The following CLMP variants were observed in gnomAD, a reference collection of about 807,000 sequenced individuals.
CLMP encodes the protein CXADR-like membrane protein.
A neutral mutation model predicts 45.2 loss-of-function variants in CLMP; 27 were observed. That is an observed-to-expected ratio of 0.60 (90% CI 0.44 to 0.82). The LOEUF (loss-of-function observed/expected upper bound fraction) is 0.82, where lower values mean the gene tolerates loss of function less well. Ranked by LOEUF, CLMP falls within the 40% of genes least tolerant of loss-of-function variation. CLMP has a pLI of 0.00. For synonymous variants in CLMP, 167 were observed against 171.4 expected (o/e 0.97, Z 0.20); for missense variants, 403 against 448.4 (o/e 0.90, Z 0.91).
intron 1 of CLMP, among the ~76,000 whole-genome samples, chr11:123,106,404 T>C (rs1860551619): frequency 8.2e-6 from 1 of 121,732 alleles, no homozygotes; most frequent in African/African-American, 3.0e-5. Context: ...TGTGTGTGTG[T>C]GTGTGTGTGT....
intron 1 of CLMP, among the ~76,000 whole-genome samples, chr11:123,190,203 T>G (rs1309412553): frequency 2.6e-5 from 4 of 152,134 alleles, no homozygotes; most frequent in African/African-American, 9.7e-5. Flanking sequence ...TGAACCTGAA[T>G]GGTGCTCCAT....
intron 2 of CLMP, among the ~76,000 whole-genome samples, chr11:123,088,790 A>T (rs1865894311): frequency 6.6e-6 from 1 of 151,788 alleles, no homozygotes; most frequent in Admixed American, 6.6e-5. Flanking sequence ...CACACCAGCT[A>T]ATTTTGTATT....
At chr11:123,176,000 C>T (rs1480477384) in intron 1 of CLMP, among the ~76,000 whole-genome samples, 1 of 152,044 alleles carries the variant, frequency 6.6e-6, no homozygotes, top group Non-Finnish European at 1.5e-5. Flanking sequence ...ATTTTCATTG[C>T]CTCACAGGGG....
At chr11:123,134,789 C>T (rs1212652004) in intron 1 of CLMP, among the ~76,000 whole-genome samples, 1 of 148,568 alleles carries the variant, frequency 6.7e-6, no homozygotes. Flanking sequence ...GCCCGGGCAA[C>T]AGAGTGAGAC....
At chr11:123,170,667 C>T (rs1437086408) in intron 1 of CLMP, among the ~76,000 whole-genome samples, 2 of 152,162 alleles carry the variant, frequency 1.3e-5, no homozygotes, top group East Asian at 3.9e-4. Context: ...TCTCGAACTA[C>T]TGAGCTCAAG....
intron 1 of CLMP, among the ~76,000 whole-genome samples, chr11:123,176,189 C>A (rs1308457638): frequency 6.6e-6 from 1 of 152,152 alleles, no homozygotes; most frequent in Non-Finnish European, 1.5e-5. Flanking sequence ...AATTCTGCTT[C>A]TTTTTAGGAA....
chr11:123,168,354 C>G (rs187378382), intron 1 of CLMP, among the ~76,000 whole-genome samples: 1 of 152,218 alleles, frequency 6.6e-6, no homozygotes, highest in Admixed American at 6.5e-5. Context: ...GCAGCTGCCC[C>G]CCCTGGTTCT....
chr11:123,101,819 GA>G (rs1234561056), intron 1 of CLMP, among the ~76,000 whole-genome samples: 1 of 152,210 alleles, frequency 6.6e-6, no homozygotes, highest in Admixed American at 6.5e-5. Flanking sequence ...ATCAGGCTGG[GA>G]AGGAGAGACT....
chr11:123,125,809 T>C (rs1232717721), intron 1 of CLMP, among the ~76,000 whole-genome samples: 2 of 151,838 alleles, frequency 1.3e-5, no homozygotes, highest in Non-Finnish European at 2.9e-5. Flanking sequence ...TTTCACCGTG[T>C]TGGCCAGGCT....
rs375465061 is a variant in CLMP at position 123,133,964 on chromosome 11, CTT to C, written c.29-36014_29-36013del. Among the ~76,000 whole-genome samples the C allele has an allele frequency of 4.6e-3, 703 of 152,168 alleles. 2 individuals carry two copies. Among genetic ancestry groups the C allele is most frequent in the Non-Finnish European group, 8.2e-3 (557 of 67,996 alleles). On this transcript the variant is annotated intron_variant, in intron 1 of 6. Transcript: ENST00000448775. ...ATGAAGGCTCTCATGTCACATAAGACTTATATTAAATAAATTTGTAGGCAGTG... is the reference window on the plus strand; with the variant it reads ...ATGAAGGCTCTCATGTCACATAAGACATATTAAATAAATTTGTAGGCAGTG...
intron 3 of CLMP, 71 bp downstream of exon 3, chr11:123,084,441 A>T: frequency 1.6e-6 from 2 of 1,231,608 alleles, no homozygotes; most frequent in Non-Finnish European, 1.2e-6. Flanking sequence ...TACCACCGTG[A>T]TGCATATGGC....
At chr11:123,157,000 AT>A (rs1343415397) in intron 1 of CLMP, among the ~76,000 whole-genome samples, 6 of 152,212 alleles carry the variant, frequency 3.9e-5, no homozygotes, top group Non-Finnish European at 7.3e-5. Context: ...TGAGGGATAC[AT>A]TTACTCCCAG....
Position 123,083,731 on chromosome 11 carries a change from T to G in CLMP, c.505A>C (p.Ile169Leu), listed in dbSNP as rs141141774. ...TCATCCTCTCCCTCTTTCTCTCGGA[T>G]TCGCTGCCAGTAATACACAATGGGC... ...TEPIVYYWQR[I>L]REKEGEDERL... Residue 169 changes from isoleucine to leucine, a missense_variant, in exon 4 of 7, where the codon ATC becomes CTC. Ile to Leu is a conservative substitution (Grantham distance 5). Coordinates refer to ENST00000448775, the MANE Select transcript of CLMP (RefSeq NM_024769.5). The G allele has an allele frequency of 1.2e-6, 2 of 1,613,960 alleles. No homozygotes were observed. The highest frequency in any genetic ancestry group is 2.7e-5 in the African/African-American group (2 of 74,906).
At chr11:123,085,182 C>CTT (rs112855358) in intron 2 of CLMP, among the ~76,000 whole-genome samples, 6 of 136,994 alleles carry the variant, frequency 4.4e-5, no homozygotes, top group East Asian at 4.1e-4. Context: ...GCCTCCCATT[C>CTT]TTTTTTTTTT....
chr11:123,159,965 C>T (rs181694626), intron 1 of CLMP, among the ~76,000 whole-genome samples: 1 of 151,994 alleles, frequency 6.6e-6, no homozygotes, highest in Non-Finnish European at 1.5e-5. Flanking sequence ...ACAAAACAGA[C>T]CCTGGTGGTA....
chr11:123,106,746 T>C (rs2135487900), intron 1 of CLMP, among the ~76,000 whole-genome samples: 1 of 151,998 alleles, frequency 6.6e-6, no homozygotes, highest in East Asian at 1.9e-4. Context: ...TGTGGCTGGG[T>C]GCAGTGGCTC....
chr11:123,155,687 G>C (rs539531337), intron 1 of CLMP, among the ~76,000 whole-genome samples: 3 of 152,218 alleles, frequency 2.0e-5, no homozygotes, highest in South Asian at 4.1e-4. Flanking sequence ...CCTCCAAGAT[G>C]GTCCTCAGGG....
intron 1 of CLMP, among the ~76,000 whole-genome samples, chr11:123,119,835 C>T (rs1036049347): frequency 6.6e-5 from 10 of 152,140 alleles, no homozygotes; most frequent in Admixed American, 3.9e-4. Context: ...TAGAGGCACA[C>T]GCCACCAAGC....
At chr11:123,189,170 G>C (rs1310073972) in intron 1 of CLMP, among the ~76,000 whole-genome samples, 1 of 152,204 alleles carries the variant, frequency 6.6e-6, no homozygotes, top group East Asian at 1.9e-4. Context: ...GTGGGGGAAG[G>C]GGATGGGTAA....
Sources: gnomAD v4.1 joint callset for allele counts (sites outside exome capture counted in the v4.1 genomes callset) on GRCh38, gnomAD v4.1.1 for gene constraint, MANE v1.5 for transcripts, NCBI Gene and HGNC (gene_info 2026-07-23, HGNC 2026-07-21) for gene names.